Variants in MACF1 observed in about 807,000 individuals in gnomAD.
MACF1 encodes microtubule actin crosslinking factor 1.
Under a neutral mutation model 854.8 loss-of-function variants are expected in MACF1, and 193 were observed. That is an observed-to-expected ratio of 0.23 (90% CI 0.20 to 0.25). MACF1 has a LOEUF of 0.25. MACF1 is among the 10% of genes least tolerant of loss of function. MACF1 has a pLI of 1.00. For synonymous variants in MACF1, 3,185 were observed against 3,226.7 expected, an observed-to-expected ratio of 0.99 and a Z score of 0.44; for missense variants, 7,722 against 8,929.1, an observed-to-expected ratio of 0.86 and a Z score of 5.45.
chr1:39,399,561 G>C (rs888289463), intron 58 of MACF1, among the ~76,000 whole-genome samples: 1 of 151,886 alleles, frequency 6.6e-6, no homozygotes, highest in Non-Finnish European at 1.5e-5. Flanking sequence ...ATTTTTAGTA[G>C]AGACAGGGTT....
intron 58 of MACF1, among the ~76,000 whole-genome samples, chr1:39,419,743 G>T (rs996199377): frequency 6.6e-6 from 1 of 151,360 alleles, no homozygotes; most frequent in East Asian, 1.9e-4. Context: ...AGCAATTCTT[G>T]TGCCTCAGCC....
At chr1:39,235,719 C>T (rs904324895) in intron 2 of MACF1, among the ~76,000 whole-genome samples, 2 of 152,190 alleles carry the variant, frequency 1.3e-5, no homozygotes, top group African/African-American at 4.8e-5. Context: ...ATCTTGAAGA[C>T]TTCCTGTAAA....
intron 61 of MACF1, among the ~76,000 whole-genome samples, chr1:39,424,884 T>G (rs928970636): frequency 6.6e-6 from 1 of 152,206 alleles, no homozygotes; most frequent in African/African-American, 2.4e-5. Flanking sequence ...TATTGTATCC[T>G]TTACATTTCC....
At chr1:39,133,782 T>C (rs950384299) in intron 2 of MACF1, among the ~76,000 whole-genome samples, 4 of 152,318 alleles carry the variant, frequency 2.6e-5, no homozygotes, top group African/African-American at 9.6e-5. Flanking sequence ...TGCTGTACAA[T>C]ACATCTCCAG....
chr1:39,459,352 C>T (rs771331462), intron 91 of MACF1, 103 bp downstream of exon 91: 273 of 1,263,084 alleles, frequency 2.2e-4, no homozygotes, highest in Middle Eastern at 6.8e-4. Context: ...TCTTAATTTA[C>T]TTTTTCACAA....
intron 99 of MACF1, among the ~76,000 whole-genome samples, chr1:39,484,309 A>T (rs1645067588): frequency 6.6e-6 from 1 of 150,766 alleles, no homozygotes; most frequent in African/African-American, 2.4e-5. Flanking sequence ...TGTTTGTTGT[A>T]ACTATTGTAT....
chr1:39,166,449 T>C (rs625493), intron 2 of MACF1, among the ~76,000 whole-genome samples: 4,827 of 50,860 alleles, frequency 0.095, 172 homozygotes, highest in African/African-American at 0.24. Context: ...TTTATTTATT[T>C]ATTCATTCAT....
At chr1:39,271,922 G>A (rs1645329457) in intron 6 of MACF1, among the ~76,000 whole-genome samples, 1 of 152,186 alleles carries the variant, frequency 6.6e-6, no homozygotes, top group South Asian at 2.1e-4. Flanking sequence ...TTTGGACCAT[G>A]ATCTGTAGTG....
At chr1:39,431,357 G>A (rs1643873431) in intron 66 of MACF1, among the ~76,000 whole-genome samples, 1 of 152,090 alleles carries the variant, frequency 6.6e-6, no homozygotes, top group Admixed American at 6.6e-5. Flanking sequence ...AGTAAACACA[G>A]GTGTCATATT....
intron 68 of MACF1, 41 bp from the exon 69 acceptor site, chr1:39,434,372 TA>T (rs1256331877): frequency 1.6e-6 from 2 of 1,222,580 alleles, no homozygotes; most frequent in Non-Finnish European, 2.3e-6. Flanking sequence ...GAGTTTATAA[TA>T]GTAATACTTA....
At position 39,361,075 on chromosome 1, in the gene MACF1, G is replaced by A. The variant is rs573899170; in HGVS notation, c.12453+74G>A. 4.4e-5 allele frequency: 55 copies of A among 1,244,802 alleles called. No individual in the cohort carries two copies. The Admixed American group carries it at 8.7e-4, about 20-fold the overall frequency. 77.1% of individuals were successfully genotyped at this position (1,244,802 alleles called of 1,614,324 possible). A position where few individuals can be genotyped will look rare whatever the true frequency, so the allele number is the denominator to read the frequency against. ...GCCATCATTACATAATGTTGAAAAAGTAACAAGAGGGAACCTAATATCTGT... is the reference window on the plus strand; with the variant it reads ...GCCATCATTACATAATGTTGAAAAAATAACAAGAGGGAACCTAATATCTGT... On this transcript the variant is annotated intron_variant, in intron 48 of 100. Coordinates refer to ENST00000564288, the MANE Select transcript of MACF1 (RefSeq NM_001394062.1).
At chr1:39,485,491 C>G in intron 100 of MACF1, 47 bp from the exon 101 acceptor site, 1 of 1,531,138 alleles carries the variant, frequency 6.5e-7, no homozygotes, top group Non-Finnish European at 8.8e-7. Context: ...TGTTCTTCCA[C>G]CCCATGCCAT....
Position 39,485,927 on chromosome 1 carries a change from T to A in MACF1, c.*133T>A. 1 of 1,035,126 alleles carries A rather than the reference T, an allele frequency of 9.7e-7. No homozygotes were observed. Among genetic ancestry groups the A allele is most frequent in the African/African-American group, 1.7e-5 (1 of 60,362 alleles). The allele number at this position is 1,035,126 out of a possible 1,614,324, so 64.1% of individuals were successfully genotyped here. ...ATAATTGTGTTATGAAGCTGCCTTA[T>A]TTTTTTTCTTTTTGTAAGTTACTAT... On this transcript the variant is annotated 3_prime_UTR_variant, in exon 101 of 101. Transcript: ENST00000564288.
Position 39,429,974 on chromosome 1 carries a change from C to G in MACF1, c.17036C>G (p.Thr5679Ser), listed in dbSNP as rs367931654. The G allele has an allele frequency of 6.2e-7, 1 of 1,613,794 alleles. No individual in the cohort carries two copies. Among genetic ancestry groups the G allele is most frequent in the South Asian group, 1.1e-5 (1 of 91,042 alleles). Residue 5679 changes from threonine to serine, a missense_variant, in exon 65 of 101, where the codon ACC (threonine) becomes AGC (serine). Around this residue, in one of 15 missense-constraint regions of MACF1, gnomAD observed 2,807 missense variants for 3,235.8 expected, o/e 0.87. Transcript: ENST00000564288. Reference protein sequence around the residue: ...TKFQSTYEELTGWLREVEEEL... With the variant: ...TKFQSTYEELSGWLREVEEEL... ...TTCCAGTCTACTTATGAGGAACTGA[C>G]CGGGTGGCTGAGGGAGGTGGAGGAG...
In MACF1 at chr1:39,387,194, C is replaced by T; in HGVS notation, c.14352C>T (p.Arg4784=). Residue 4784 remains arginine, a synonymous_variant, in exon 58 of 101, where the codon CGC becomes CGT. Transcript: ENST00000564288. The stretch of plus-strand genomic sequence containing the variant: ...TTTATTTTCTCATTTCAGCCGATCG[C>T]ATTAACAGACTCCAGGCAGCTCTTG... ...LQGLEDLAAD[R]INRLQAALAS... The T allele has an allele frequency of 1.2e-6, 2 of 1,612,876 alleles. No individual in the cohort carries two copies. The highest frequency in any genetic ancestry group is 1.7e-6 in the Non-Finnish European group (2 of 1,179,464).
chr1:39,206,769 G>A (rs1467114891), intron 1 of MACF1: 2 of 151,982 alleles, frequency 1.3e-5, no homozygotes, highest in East Asian at 1.9e-4. Context: ...AGTTACTTAC[G>A]AGATTCTGTA....
intron 6 of MACF1, among the ~76,000 whole-genome samples, chr1:39,261,655 T>C (rs1463197285): frequency 6.6e-6 from 1 of 152,250 alleles, no homozygotes; most frequent in Non-Finnish European, 1.5e-5. Flanking sequence ...TTTTTATTGC[T>C]GAATATTCTG....
At chr1:39,198,234 C>T (rs991635998) in intron 2 of MACF1, among the ~76,000 whole-genome samples, 1 of 151,518 alleles carries the variant, frequency 6.6e-6, no homozygotes, top group South Asian at 2.1e-4. Context: ...GCAGGCTGGG[C>T]GCGGTGGCTC....
chr1:39,324,775 T>C, intron 35 of MACF1, 41 bp downstream of exon 35: 1 of 1,444,208 alleles, frequency 6.9e-7, no homozygotes, highest in Non-Finnish European at 9.7e-7. Flanking sequence ...CTGGGGCACC[T>C]GGTCTATCAG....
Sources: gnomAD v4.1 joint callset for allele counts (sites outside exome capture counted in the v4.1 genomes callset) on GRCh38, gnomAD v4.1.1 for gene constraint, gnomAD v4.1.1 regional missense constraint, MANE v1.5 for transcripts, NCBI Gene and HGNC (gene_info 2026-07-23, HGNC 2026-07-21) for gene names.